Variants in C5orf46 observed in about 807,000 individuals in gnomAD.
The protein encoded by C5orf46 is uncharacterized protein C5orf46.
Under a neutral mutation model 8.9 loss-of-function variants are expected in C5orf46, and 9 were observed. The observed-to-expected ratio is 1.01, with a 90% CI of 0.61 to 1.76. C5orf46 has a LOEUF of 1.76. Ranked by LOEUF, C5orf46 falls within the 40% of genes most tolerant of loss-of-function variation. The pLI, the probability that C5orf46 is intolerant of heterozygous loss-of-function variation, is 0.00. For missense variants in C5orf46, 98 were observed against 107.8 expected (o/e 0.91, Z 0.40); for synonymous variants, 47 against 41.4 (o/e 1.14, Z -0.52).
At chr5:147,901,292 CT>C (rs1280716947) in intron 2 of C5orf46, 2 of 172,252 alleles carry the variant, frequency 1.2e-5, no homozygotes, top group Non-Finnish European at 2.4e-5. Flanking sequence ...TCAAGACCAC[CT>C]AGTAAAATAG....
chr5:147,893,281 C>CT lies in C5orf46; in HGVS notation c.*10-343dup, dbSNP rs768391434. Among the ~76,000 whole-genome samples the CT allele has an allele frequency of 9.1e-3, 1,156 of 127,636 alleles. 4 individuals are homozygous for CT. The highest frequency in any genetic ancestry group is 0.014 in the African/African-American group (492 of 34,140). The allele number at this position is 127,636 out of a possible 152,430, so 83.7% of individuals were successfully genotyped here. ...AAGAAAAAAACTAAGTCACATAAAT[C>CT]TTTTTTTTTTTTTTTTTTTTGAGAC... On this transcript the variant is annotated intron_variant, in intron 3 of 3. Transcript: ENST00000318315.
chr5:147,894,827 C>T (rs1036027792), intron 3 of C5orf46, among the ~76,000 whole-genome samples: 13 of 151,338 alleles, frequency 8.6e-5, no homozygotes, highest in South Asian at 2.1e-4. Flanking sequence ...TTTGGGAGGC[C>T]GAAGGGGGGT....
At position 147,901,665 on chromosome 5, in the gene C5orf46, G is replaced by A; in HGVS notation, c.179C>T (p.Ala60Val). The change falls in exon 2 of 4, where the codon GCA becomes GTA. Residue 60 changes from alanine to valine, a missense_variant. By Grantham distance (64) the Ala-to-Val change is moderately conservative (BLOSUM62 0). Transcript: ENST00000318315. ...SLLGTEIIEN[A>V]VEFILRSMSR... ...CATGGAGCGGAGGATGAACTCGACT[G>A]CATTCTCAATGATCTCTGTGCCCAG... The A allele has an allele frequency of 6.2e-7, 1 of 1,614,016 alleles. No homozygotes were observed. Among genetic ancestry groups the A allele is most frequent in the Non-Finnish European group, 8.5e-7 (1 of 1,179,930 alleles).
chr5:147,895,668 CCAAA>C (rs1259821503), intron 3 of C5orf46, among the ~76,000 whole-genome samples: 1 of 151,962 alleles, frequency 6.6e-6, no homozygotes, highest in Non-Finnish European at 1.5e-5. Context: ...GGTGTGGGTA[CCAAA>C]AATTATAGGT....
At chr5:147,905,651 C>T (rs1234456871) in intron 1 of C5orf46, among the ~76,000 whole-genome samples, 1 of 152,082 alleles carries the variant, frequency 6.6e-6, no homozygotes, top group East Asian at 1.9e-4. Flanking sequence ...GAGAAGGCAG[C>T]ATACAGCATG....
At chr5:147,887,316 A>G (rs572796387) in intron 2 of C5orf46, 1 of 152,220 alleles carries the variant, frequency 6.6e-6, no homozygotes, top group Non-Finnish European at 1.5e-5. Flanking sequence ...TATTGCATTA[A>G]ATTTTTCACT....
At chr5:147,896,405 T>A (rs1190958984) in intron 3 of C5orf46, among the ~76,000 whole-genome samples, 2 of 152,130 alleles carry the variant, frequency 1.3e-5, no homozygotes, top group African/African-American at 4.8e-5. Flanking sequence ...TAAAACAGAG[T>A]AAGAACACAG....
At chr5:147,906,062 G>A (rs1184023670) in intron 1 of C5orf46, among the ~76,000 whole-genome samples, 1 of 152,238 alleles carries the variant, frequency 6.6e-6, no homozygotes, top group Non-Finnish European at 1.5e-5. Context: ...TCTGGTTAGT[G>A]GTAGAGCCAG....
Position 147,906,418 on chromosome 5 carries a change from T to C in C5orf46, c.70+14A>G, listed in dbSNP as rs1316254371. The C allele has an allele frequency of 1.3e-6, 2 of 1,588,168 alleles. No individual in the cohort carries two copies. Among genetic ancestry groups the C allele is most frequent in the East Asian group, 4.5e-5 (2 of 44,532 alleles). ...CTACTGAACAATTCATGGGCTGTGATCAGAAGCACTTACCTGCATAGCAGG... is the reference window on the plus strand; with the variant it reads ...CTACTGAACAATTCATGGGCTGTGACCAGAAGCACTTACCTGCATAGCAGG... On this transcript the variant is annotated intron_variant, in intron 1 of 3. Coordinates refer to ENST00000318315, the MANE Select transcript of C5orf46 (RefSeq NM_206966.3).
chr5:147,896,092 A>G (rs1312490501), intron 3 of C5orf46, among the ~76,000 whole-genome samples: 9 of 152,184 alleles, frequency 5.9e-5, no homozygotes, highest in Non-Finnish European at 1.0e-4. Context: ...TTGTATTTCT[A>G]TGAACATCTT....
downstream of C5orf46, among the ~76,000 whole-genome samples, chr5:147,888,098 TGC>T (rs1424030629): frequency 6.6e-6 from 1 of 152,192 alleles, no homozygotes; most frequent in Non-Finnish European, 1.5e-5. Flanking sequence ...CATATCCACT[TGC>T]ATTAGTCAGA....
downstream of C5orf46, among the ~76,000 whole-genome samples, chr5:147,892,265 G>A (rs1408513352): frequency 1.3e-5 from 2 of 152,162 alleles, no homozygotes; most frequent in East Asian, 1.9e-4. Context: ...GTGGTGGCAC[G>A]AAAGGCCTGC....
chr5:147,901,100 T>G (rs1169253186), intron 2 of C5orf46, among the ~76,000 whole-genome samples: 1 of 152,128 alleles, frequency 6.6e-6, no homozygotes, highest in Non-Finnish European at 1.5e-5. Context: ...CTGCTAACCT[T>G]CTTGAGCTAC....
chr5:147,895,454 C>T (rs768339021), intron 3 of C5orf46, among the ~76,000 whole-genome samples: 1 of 152,134 alleles, frequency 6.6e-6, no homozygotes, highest in Non-Finnish European at 1.5e-5. Context: ...TTAAGATTCC[C>T]TATGTTTTAA....
chr5:147,896,441 C>T (rs1165779984), intron 3 of C5orf46, among the ~76,000 whole-genome samples: 1 of 152,198 alleles, frequency 6.6e-6, no homozygotes, highest in Non-Finnish European at 1.5e-5. Flanking sequence ...AATATTACTA[C>T]TTTTCCAGAT....
At chr5:147,898,088 G>C (rs952402187) in intron 2 of C5orf46, among the ~76,000 whole-genome samples, 2 of 151,998 alleles carry the variant, frequency 1.3e-5, no homozygotes, top group Non-Finnish European at 2.9e-5. Context: ...AAATTTTTTT[G>C]ATATAAAGTT....
At chr5:147,905,059 T>C (rs956150786) in intron 1 of C5orf46, among the ~76,000 whole-genome samples, 10 of 151,846 alleles carry the variant, frequency 6.6e-5, no homozygotes, top group Non-Finnish European at 1.3e-4. Context: ...GAAGATAATA[T>C]AAATTTTAAA....
At chr5:147,898,896 C>T (rs1229688507) in intron 2 of C5orf46, among the ~76,000 whole-genome samples, 2 of 152,070 alleles carry the variant, frequency 1.3e-5, no homozygotes, top group African/African-American at 2.4e-5. Context: ...GAGAACAATC[C>T]AGTCTATTCA....
intron 1 of C5orf46, among the ~76,000 whole-genome samples, chr5:147,906,227 C>T (rs1006176442): frequency 7.2e-5 from 11 of 152,316 alleles, no homozygotes; most frequent in Admixed American, 2.0e-4. Flanking sequence ...AAACTTCATA[C>T]ATCCACTGAA....
Sources: allele counts gnomAD v4.1 joint callset (sites outside exome capture counted in the v4.1 genomes callset), GRCh38; gene constraint gnomAD v4.1.1; transcripts MANE v1.5; gene names NCBI Gene and HGNC (gene_info 2026-07-23, HGNC 2026-07-21).